The following ENOX1 variants were observed in gnomAD, a reference collection of about 807,000 sequenced individuals.
ENOX1 encodes the protein ecto-NOX disulfide-thiol exchanger 1.
A neutral mutation model predicts 82.5 loss-of-function variants in ENOX1; 42 were observed. The observed-to-expected ratio is 0.51, with a 90% CI of 0.40 to 0.66. The LOEUF is 0.66. Ranked by LOEUF, ENOX1 falls within the 30% of genes least tolerant of loss-of-function variation. ENOX1 has a pLI of 0.00. For synonymous variants in ENOX1, 271 were observed against 282.2 expected (o/e 0.96, Z 0.40); for missense variants, 608 against 811.6 (o/e 0.75, Z 3.05).
At chr13:43,407,647 T>C (rs1289893921) in intron 5 of ENOX1, among the ~76,000 whole-genome samples, 3 of 152,194 alleles carry the variant, frequency 2.0e-5, no homozygotes, top group Admixed American at 1.3e-4. Flanking sequence ...GAACTACTTA[T>C]TGCACATTAG....
chr13:43,244,338 T>C (rs938639441), intron 14 of ENOX1, among the ~76,000 whole-genome samples: 5 of 152,086 alleles, frequency 3.3e-5, no homozygotes, highest in African/African-American at 7.2e-5. Flanking sequence ...TTCACAGGAT[T>C]GATTGGATAT....
intron 1 of ENOX1, among the ~76,000 whole-genome samples, chr13:43,744,877 C>T (rs187530114): frequency 2.6e-5 from 4 of 152,324 alleles, no homozygotes; most frequent in African/African-American, 7.2e-5. Flanking sequence ...GCATAAATGG[C>T]TGTGAATCTA....
intron 7 of ENOX1, among the ~76,000 whole-genome samples, chr13:43,357,538 T>C (rs1444928293): frequency 6.6e-6 from 1 of 152,000 alleles, no homozygotes; most frequent in African/African-American, 2.4e-5. Flanking sequence ...AAAAGCAAAA[T>C]GTATCTTGGT....
intron 1 of ENOX1, among the ~76,000 whole-genome samples, chr13:43,683,058 T>C (rs1423871604): frequency 6.6e-6 from 1 of 152,206 alleles, no homozygotes; most frequent in African/African-American, 2.4e-5. Context: ...ATCTAAGGTA[T>C]CTCATCCTTT....
chr13:43,505,662 G>A (rs983592134), intron 2 of ENOX1, among the ~76,000 whole-genome samples: 3 of 152,048 alleles, frequency 2.0e-5, no homozygotes, highest in Non-Finnish European at 4.4e-5. Flanking sequence ...CCCTTTGTCA[G>A]ATGAGTATGT....
intron 5 of ENOX1, among the ~76,000 whole-genome samples, chr13:43,387,432 T>C (rs1407046916): frequency 6.6e-6 from 1 of 152,076 alleles, no homozygotes; most frequent in Non-Finnish European, 1.5e-5. Flanking sequence ...AAACCTAGCA[T>C]GTTTCAGAAG....
intron 2 of ENOX1, among the ~76,000 whole-genome samples, chr13:43,616,183 T>TAG (rs1455293193): frequency 1.8e-4 from 1 of 5,548 alleles, no homozygotes; most frequent in Non-Finnish European, 2.8e-3. Context: ...TCTATCTATC[T>TAG]ATCTATATAT....
Position 43,412,932 on chromosome 13 carries a change from G to A in ENOX1, c.-18C>T, listed in dbSNP as rs1264391345. 6.2e-7 allele frequency: 1 copy of A among 1,613,668 alleles called. No homozygotes were observed. The highest frequency in any genetic ancestry group is 1.3e-5 in the African/African-American group (1 of 74,910). ...TCTACCATTGAATTATGAGTGTCCA[G>A]AGGGGCAGGAACACTTTGATGGCTG... On this transcript the variant is annotated 5_prime_UTR_variant, in exon 4 of 17. Transcript: ENST00000690772.
At chr13:43,653,693 G>A (rs2084299486) in intron 2 of ENOX1, among the ~76,000 whole-genome samples, 1 of 152,122 alleles carries the variant, frequency 6.6e-6, no homozygotes, top group Non-Finnish European at 1.5e-5. Context: ...ATAGTCAGCT[G>A]AGCAAACTCA....
chr13:43,459,288 GCAAT>G (rs2057361699), intron 3 of ENOX1: 1 of 152,126 alleles, frequency 6.6e-6, no homozygotes, highest in African/African-American at 2.4e-5. Flanking sequence ...GGCAATTTTG[GCAAT>G]CAATAAGTAA....
chr13:43,447,704 G>A (rs978510402), intron 3 of ENOX1, among the ~76,000 whole-genome samples: 10 of 152,138 alleles, frequency 6.6e-5, no homozygotes, highest in African/African-American at 2.4e-4. Flanking sequence ...CCTTCTAATG[G>A]AGACCTTCAT....
intron 12 of ENOX1, among the ~76,000 whole-genome samples, chr13:43,295,682 G>T (rs1459642587): frequency 6.6e-6 from 1 of 152,130 alleles, no homozygotes; most frequent in Non-Finnish European, 1.5e-5. Flanking sequence ...CATCTTTCAT[G>T]TGAAACCATG....
intron 1 of ENOX1, among the ~76,000 whole-genome samples, chr13:43,679,728 C>A (rs977929684): frequency 6.6e-6 from 1 of 152,146 alleles, no homozygotes; most frequent in African/African-American, 2.4e-5. Context: ...GATGATAGAA[C>A]TGCTGGAAAT....
intron 1 of ENOX1, among the ~76,000 whole-genome samples, chr13:43,751,282 C>T (rs1950299284): frequency 6.6e-6 from 1 of 152,234 alleles, no homozygotes. Context: ...GAGAGACCCA[C>T]TGCTTTTCTT....
At chr13:43,701,194 C>A (rs1323659195) in intron 1 of ENOX1, among the ~76,000 whole-genome samples, 8 of 152,142 alleles carry the variant, frequency 5.3e-5, no homozygotes. Context: ...CATAAAAACA[C>A]TGAAATTTCC....
rs2055249664 is a variant in ENOX1, at chr13:43,425,591, CCCA to C, written c.-74-12606_-74-12604del. ...TACTACAGTCTTACAGACCAAAGGA[CCCA>C]TCTGCCTCTGAGCAACTAGTCTATT... On this transcript the variant is annotated intron_variant, in intron 3 of 16. Transcript: ENST00000690772. Among the ~76,000 whole-genome samples, 10 of 152,282 alleles carry C rather than the reference CCCA, an allele frequency of 6.6e-5. No individual in the cohort carries two copies. In the East Asian group the frequency reaches 1.9e-3, roughly 29 times the overall value.
At chr13:43,259,529 T>C (rs1366407777) in intron 14 of ENOX1, among the ~76,000 whole-genome samples, 1 of 152,150 alleles carries the variant, frequency 6.6e-6, no homozygotes, top group Non-Finnish European at 1.5e-5. Context: ...AGTGCAGTGG[T>C]GCGATCTCGG....
intron 2 of ENOX1, among the ~76,000 whole-genome samples, chr13:43,623,798 T>G (rs1594150351): frequency 6.6e-6 from 1 of 152,302 alleles, no homozygotes; most frequent in East Asian, 1.9e-4. Flanking sequence ...CTATGATATG[T>G]GTATATCATA....
At chr13:43,739,652 CAT>C (rs566187277) in intron 1 of ENOX1, among the ~76,000 whole-genome samples, 12 of 151,662 alleles carry the variant, frequency 7.9e-5, no homozygotes, top group African/African-American at 2.9e-4. Context: ...AGAAAAATAA[CAT>C]AAGAAAAGAG....
Sources: allele counts gnomAD v4.1 joint callset (sites outside exome capture counted in the v4.1 genomes callset), GRCh38; gene constraint gnomAD v4.1.1; transcripts MANE v1.5; gene names NCBI Gene and HGNC (gene_info 2026-07-23, HGNC 2026-07-21).